Variants in MAN1A1 observed in about 807,000 individuals in gnomAD.
MAN1A1 encodes the protein mannosyl-oligosaccharide 1,2-alpha-mannosidase IA.
MAN1A1 carries 29 observed loss-of-function variants against 70.8 expected under a neutral mutation model. The observed-to-expected ratio is 0.41, with a 90% CI of 0.31 to 0.56. The LOEUF is 0.56. Among genes scored for constraint, MAN1A1 ranks in the 20% least tolerant of loss-of-function variants. The pLI is 0.29. For synonymous variants in MAN1A1, 349 were observed against 330.1 expected (o/e 1.06, Z -0.62); for missense variants, 747 against 841.3 (o/e 0.89, Z 1.39).
intron 6 of MAN1A1, among the ~76,000 whole-genome samples, chr6:119,234,418 A>T (rs75759328): frequency 2.7e-4 from 40 of 149,064 alleles, no homozygotes; most frequent in South Asian, 1.3e-3. Flanking sequence ...ATTAAAAAAA[A>T]TTTTTTTTTT....
At chr6:119,346,623 G>A (rs1001066659) in intron 2 of MAN1A1, among the ~76,000 whole-genome samples, 1 of 152,186 alleles carries the variant, frequency 6.6e-6, no homozygotes, top group Admixed American at 6.5e-5. Flanking sequence ...GGATGGATAT[G>A]CACACTGTTA....
intron 6 of MAN1A1, among the ~76,000 whole-genome samples, chr6:119,218,141 T>C (rs1328731741): frequency 6.6e-6 from 1 of 152,198 alleles, no homozygotes; most frequent in African/African-American, 2.4e-5. Context: ...TTGCCTTTTA[T>C]CCGTCCTATG....
intron 5 of MAN1A1, among the ~76,000 whole-genome samples, chr6:119,276,255 G>A (rs1332591303): frequency 1.3e-5 from 2 of 152,032 alleles, no homozygotes; most frequent in Non-Finnish European, 1.5e-5. Context: ...TGGTTATATT[G>A]TATTTTCTTC....
chr6:119,192,182 G>C (rs1350583343), intron 9 of MAN1A1, among the ~76,000 whole-genome samples: 1 of 152,102 alleles, frequency 6.6e-6, no homozygotes, highest in African/African-American at 2.4e-5. Flanking sequence ...CAAGATCTTA[G>C]ACGGCCAATT....
At chr6:119,196,479 C>T (rs74962222) in intron 8 of MAN1A1, among the ~76,000 whole-genome samples, 7,077 of 152,024 alleles carry the variant, frequency 0.047, 202 homozygotes, top group East Asian at 0.081. Context: ...AGAGCAGGCC[C>T]GAATTTATCA....
chr6:119,338,069 TAA>T (rs61463278), intron 2 of MAN1A1, among the ~76,000 whole-genome samples: 17 of 139,710 alleles, frequency 1.2e-4, no homozygotes, highest in African/African-American at 2.3e-4. Flanking sequence ...GCTAGTTGAC[TAA>T]AAAAAAAAAA....
chr6:119,205,784 T>A (rs1454521756), intron 6 of MAN1A1, among the ~76,000 whole-genome samples: 1 of 152,236 alleles, frequency 6.6e-6, no homozygotes, highest in Non-Finnish European at 1.5e-5. Flanking sequence ...ATAGCTAAAA[T>A]CCTACACTTT....
Position 119,185,924 on chromosome 6 carries a change from GAAGA to G in MAN1A1, c.1719+2477_1719+2480del, listed in dbSNP as rs1161524916. Among the ~76,000 whole-genome samples the G allele has an allele frequency of 4.0e-5, 6 of 149,452 alleles. No homozygotes were observed. In the East Asian group the frequency reaches 1.2e-3, roughly 29 times the overall value. Reference sequence around the variant, plus strand: ...ATAAGCTGTGAAAAAATCACACTGCGAAGAGAGAAGAGAGGTTCACACTATTCAG... The same window carrying G: ...ATAAGCTGTGAAAAAATCACACTGCGGAGAAGAGAGGTTCACACTATTCAG... On this transcript the variant is annotated intron_variant, in intron 11 of 12. Coordinates refer to ENST00000368468, the MANE Select transcript of MAN1A1 (RefSeq NM_005907.4).
chr6:119,281,223 A>T (rs1441944403), intron 5 of MAN1A1, among the ~76,000 whole-genome samples: 2 of 152,216 alleles, frequency 1.3e-5, no homozygotes, highest in Non-Finnish European at 2.9e-5. Flanking sequence ...CACTTTATTG[A>T]AGGGTTTTTC....
chr6:119,204,970 TA>T (rs1350601854), intron 6 of MAN1A1, 88 bp from the exon 7 acceptor site: 22 of 1,376,696 alleles, frequency 1.6e-5, no homozygotes, highest in East Asian at 2.4e-5. Flanking sequence ...AGACAGCTTT[TA>T]AAAAAAGGCA....
intron 11 of MAN1A1, among the ~76,000 whole-genome samples, chr6:119,182,930 C>T (rs1456290811): frequency 1.3e-5 from 2 of 151,912 alleles, no homozygotes; most frequent in Non-Finnish European, 2.9e-5. Flanking sequence ...AGATGGAAAG[C>T]ATAGACTTTG....
chr6:119,227,825 G>A (rs1244820039), intron 6 of MAN1A1, among the ~76,000 whole-genome samples: 3 of 152,032 alleles, frequency 2.0e-5, no homozygotes, highest in Admixed American at 6.6e-5. Flanking sequence ...TTGAAATTTC[G>A]AGTGATTATT....
chr6:119,244,222 G>C (rs74324217), intron 6 of MAN1A1, among the ~76,000 whole-genome samples: 2 of 151,622 alleles, frequency 1.3e-5, no homozygotes, highest in South Asian at 2.1e-4. Flanking sequence ...CTTCAAGTTC[G>C]AGAAAAAAAA....
chr6:119,244,797 C>G (rs889010353), intron 6 of MAN1A1, among the ~76,000 whole-genome samples: 7 of 152,032 alleles, frequency 4.6e-5, no homozygotes, highest in African/African-American at 1.7e-4. Flanking sequence ...GTGTAACACA[C>G]AAAAATAAAT....
intron 8 of MAN1A1, among the ~76,000 whole-genome samples, chr6:119,194,639 A>C (rs1582685143): frequency 6.6e-6 from 1 of 152,020 alleles, no homozygotes; most frequent in South Asian, 2.1e-4. Flanking sequence ...TTATTTGATA[A>C]ATTTTCTAGT....
chr6:119,347,120 T>A (rs776819067), intron 2 of MAN1A1, among the ~76,000 whole-genome samples: 1 of 152,218 alleles, frequency 6.6e-6, no homozygotes, highest in African/African-American at 2.4e-5. Flanking sequence ...GCTATCTGCA[T>A]AGGAAGGATG....
At chr6:119,240,208 T>C (rs2114304405) in intron 6 of MAN1A1, among the ~76,000 whole-genome samples, 1 of 152,288 alleles carries the variant, frequency 6.6e-6, no homozygotes, top group East Asian at 1.9e-4. Flanking sequence ...TAAAAAGGGA[T>C]TTAAGCAACT....
At chr6:119,283,648 C>T (rs1776279242) in intron 5 of MAN1A1, among the ~76,000 whole-genome samples, 3 of 151,868 alleles carry the variant, frequency 2.0e-5, no homozygotes, top group South Asian at 4.2e-4. Flanking sequence ...GGGTGAAAGA[C>T]ATTCTAGGTA....
At position 119,335,215 on chromosome 6, in the gene MAN1A1, C is replaced by G. The variant is rs148625484; in HGVS notation, c.603+13248G>C. On this transcript the variant is annotated intron_variant, in intron 2 of 12. Coordinates refer to ENST00000368468, the MANE Select transcript of MAN1A1 (RefSeq NM_005907.4). ...CTTTCCTGGAAATGACTTTCTGAATCCAATTTACCTACCAACCCCTTTCCT... is the reference window on the plus strand; with the variant it reads ...CTTTCCTGGAAATGACTTTCTGAATGCAATTTACCTACCAACCCCTTTCCT... Among the ~76,000 whole-genome samples, 247 of 152,280 alleles carry G rather than the reference C, an allele frequency of 1.6e-3. 1 individual carries two copies. The highest frequency in any genetic ancestry group is 5.8e-3 in the African/African-American group (243 of 41,556).
Sources: allele counts gnomAD v4.1 joint callset (sites outside exome capture counted in the v4.1 genomes callset), GRCh38; gene constraint gnomAD v4.1.1; transcripts MANE v1.5; gene names NCBI Gene and HGNC (gene_info 2026-07-23, HGNC 2026-07-21).